The following COL23A1 variants were observed in gnomAD, a reference collection of about 807,000 sequenced individuals.
The protein encoded by COL23A1 is collagen alpha-1(XXIII) chain.
COL23A1 carries 97 observed loss-of-function variants against 99.3 expected under a neutral mutation model. That is an observed-to-expected ratio of 0.98 (90% CI 0.83 to 1.16). The LOEUF (loss-of-function observed/expected upper bound fraction) is 1.16. Ranked by LOEUF, COL23A1 falls within the 50% of genes most tolerant of loss-of-function variation. The probability of loss-of-function intolerance (pLI) is 0.00; values close to 1 mark genes in which losing one functional copy is unlikely to be tolerated. For synonymous variants in COL23A1, 320 were observed against 308.2 expected (o/e 1.04, Z -0.40); for missense variants, 762 against 757.4 (o/e 1.01, Z -0.07).
Position 178,306,720 on chromosome 5 carries a change from G to A in COL23A1, c.406+155C>T, listed in dbSNP as rs914303271. ...GCAGTACTGGGTGCTGCGGCCTCAG[G>A]AAACGGCAGCTGGACTTGGAAGGGG... On this transcript the variant is annotated intron_variant, in intron 3 of 28. Transcript: ENST00000390654. The surrounding 1 kb of genome is among the most constrained non-coding windows in gnomAD (Gnocchi z 4.1). Among the ~76,000 whole-genome samples the A allele has an allele frequency of 6.6e-6, 1 of 152,058 alleles. No homozygotes were observed. Among genetic ancestry groups the A allele is most frequent in the Non-Finnish European group, 1.5e-5 (1 of 67,992 alleles).
At position 178,434,618 on chromosome 5, in the gene COL23A1, C is replaced by T. The variant is rs1766452346; in HGVS notation, c.361+126064G>A. 6.6e-6 allele frequency among the ~76,000 whole-genome samples: 1 copy of T among 152,354 alleles called. No individual in the cohort carries two copies. ...CAGCTGGGCGCCTGGCCTTGCATCC[C>T]AGGTGGGTAATCTGGAGACAGTGGG... On this transcript the variant is annotated intron_variant, in intron 2 of 28. Coordinates refer to ENST00000390654, the MANE Select transcript of COL23A1 (RefSeq NM_173465.4). The surrounding 1 kb of genome is among the most constrained non-coding windows in gnomAD (Gnocchi z 4.3).
intron 12 of COL23A1, among the ~76,000 whole-genome samples, 158 bp downstream of exon 12, chr5:178,259,563 G>A (rs1328974432): frequency 6.6e-6 from 1 of 152,222 alleles, no homozygotes; most frequent in Non-Finnish European, 1.5e-5. Flanking sequence ...CACCTGCAGT[G>A]AGGGCTCAGG....
In COL23A1 at chr5:178,310,423, C is replaced by T. The variant is rs1758609470; in HGVS notation, c.362-3504G>A. Among the ~76,000 whole-genome samples the T allele has an allele frequency of 6.6e-6, 1 of 152,248 alleles. No homozygotes were observed. The highest frequency in any genetic ancestry group is 6.5e-5 in the Admixed American group (1 of 15,288). ...AACTTGGGACCCTTTTCCTCCAGGA[C>T]TCCCTGTGCCCGCCCCGCAGGCTCA... On this transcript the variant is annotated intron_variant, in intron 2 of 28. Coordinates refer to ENST00000390654, the MANE Select transcript of COL23A1 (RefSeq NM_173465.4). This position sits in a 1 kb window ranked among gnomAD's most constrained non-coding sequence, Gnocchi z 4.3.
intron 2 of COL23A1, among the ~76,000 whole-genome samples, chr5:178,452,709 C>A (rs1025645810): frequency 2.0e-5 from 3 of 152,082 alleles, no homozygotes; most frequent in African/African-American, 7.2e-5. Context: ...CAACCACACT[C>A]ATAATAAGTG....
intron 2 of COL23A1, among the ~76,000 whole-genome samples, chr5:178,373,867 C>T (rs920539810): frequency 3.3e-5 from 5 of 152,156 alleles, no homozygotes; most frequent in Admixed American, 1.3e-4. Flanking sequence ...CACCAGGCAC[C>T]GTGTGGCAGA....
At chr5:178,258,277 A>G (rs1461019694) in intron 12 of COL23A1, among the ~76,000 whole-genome samples, 1 of 144,650 alleles carries the variant, frequency 6.9e-6, no homozygotes, top group Non-Finnish European at 1.5e-5. Flanking sequence ...ATGCAAATCA[A>G]TTCTAGGCAC....
chr5:178,554,386 C>T (rs1762161116), intron 2 of COL23A1, among the ~76,000 whole-genome samples: 1 of 152,084 alleles, frequency 6.6e-6, no homozygotes, highest in Non-Finnish European at 1.5e-5. Flanking sequence ...GCCATGTTGG[C>T]CAGGCTGCTC....
chr5:178,286,812 C>T (rs542025216), intron 5 of COL23A1, among the ~76,000 whole-genome samples: 17 of 152,286 alleles, frequency 1.1e-4, no homozygotes, highest in African/African-American at 3.6e-4. Context: ...GCATCCTCTC[C>T]GATGCTCGAG....
chr5:178,541,001 GT>G (rs1761255743), intron 2 of COL23A1, among the ~76,000 whole-genome samples: 1 of 152,232 alleles, frequency 6.6e-6, no homozygotes, highest in Non-Finnish European at 1.5e-5. Context: ...TAAGGGAATT[GT>G]CAAACATTTT....
intron 2 of COL23A1, among the ~76,000 whole-genome samples, chr5:178,322,374 A>T (rs1365533208): frequency 6.6e-6 from 1 of 152,138 alleles, no homozygotes; most frequent in African/African-American, 2.4e-5. Context: ...GCCTCAAGTG[A>T]TCCACCTGCC....
intron 2 of COL23A1, among the ~76,000 whole-genome samples, chr5:178,386,749 T>G (rs1401152265): frequency 1.3e-5 from 2 of 152,222 alleles, no homozygotes; most frequent in African/African-American, 4.8e-5. Flanking sequence ...GCAGACACCA[T>G]GGGCTCCAGG....
intron 2 of COL23A1, among the ~76,000 whole-genome samples, chr5:178,538,791 A>G (rs1205091285): frequency 6.6e-6 from 1 of 152,244 alleles, no homozygotes; most frequent in Non-Finnish European, 1.5e-5. Flanking sequence ...TCATGGCAGC[A>G]CTATGCCTAA....
At chr5:178,463,441 GAGT>G (rs1756236376) in intron 2 of COL23A1, among the ~76,000 whole-genome samples, 1 of 152,202 alleles carries the variant, frequency 6.6e-6, no homozygotes, top group African/African-American at 2.4e-5. Context: ...AAAGGTGTGG[GAGT>G]AGGATGGGAG....
chr5:178,481,197 G>A, intron 2 of COL23A1, among the ~76,000 whole-genome samples: 1 of 149,152 alleles, frequency 6.7e-6, no homozygotes, highest in African/African-American at 2.5e-5. Context: ...GAGTTGTGAA[G>A]GAAAGAAAAA....
chr5:178,548,576 C>CA (rs1291226841), intron 2 of COL23A1, among the ~76,000 whole-genome samples: 2 of 140,900 alleles, frequency 1.4e-5, no homozygotes, highest in East Asian at 2.1e-4. Context: ...TTTTTTGAGA[C>CA]AGAGTCTCAT....
chr5:178,264,553 G>A (rs1017103852), intron 8 of COL23A1, among the ~76,000 whole-genome samples: 3 of 152,270 alleles, frequency 2.0e-5, no homozygotes, highest in Admixed American at 6.5e-5. Flanking sequence ...CAGAGCCACA[G>A]GAATGGAGTA....
At chr5:178,550,450 A>T (rs1184961725) in intron 2 of COL23A1, among the ~76,000 whole-genome samples, 1 of 152,124 alleles carries the variant, frequency 6.6e-6, no homozygotes, top group Non-Finnish European at 1.5e-5. Flanking sequence ...AAATGTCTCC[A>T]AATACTGCCA....
rs144866238 is a variant in COL23A1, at chr5:178,322,656, CAT to C, written c.362-15739_362-15738del. Among the ~76,000 whole-genome samples, 1,397 of 152,296 alleles carry C rather than the reference CAT, an allele frequency of 9.2e-3. 25 individuals carry two copies. The highest frequency in any genetic ancestry group is 0.032 in the African/African-American group (1,323 of 41,562). On this transcript the variant is annotated intron_variant, in intron 2 of 28. Coordinates refer to ENST00000390654, the MANE Select transcript of COL23A1 (RefSeq NM_173465.4). ...GAAGATGAGCCGAGGTAACCGCAGA[CAT>C]TAAACTTCTCACACCTCACTTTCCT...
At chr5:178,400,157 G>A (rs1764361317) in intron 2 of COL23A1, among the ~76,000 whole-genome samples, 1 of 152,146 alleles carries the variant, frequency 6.6e-6, no homozygotes, top group South Asian at 2.1e-4. Context: ...ATGAGGTCAG[G>A]AGATCGAGAC....
Sources: gnomAD v4.1 joint callset for allele counts (sites outside exome capture counted in the v4.1 genomes callset) on GRCh38, gnomAD v4.1.1 for gene constraint, Gnocchi (gnomAD v3.1) non-coding constraint, MANE v1.5 for transcripts, NCBI Gene and HGNC (gene_info 2026-07-23, HGNC 2026-07-21) for gene names.